SIN3A: variants seen among roughly 807,000 people sequenced by gnomAD.
SIN3A encodes paired amphipathic helix protein Sin3a.
In SIN3A, 14 loss-of-function variants were observed where a neutral mutation model predicts 146.1. The observed-to-expected ratio is 0.10, with a 90% CI of 0.06 to 0.15. SIN3A has a LOEUF of 0.15. Ranked by LOEUF, SIN3A falls within the 10% of genes least tolerant of loss-of-function variation. The probability of loss-of-function intolerance (pLI) is 1.00; values close to 1 mark genes in which losing one functional copy is unlikely to be tolerated. For synonymous variants in SIN3A, 572 were observed against 572.0 expected (o/e 1.00, Z 0.00); for missense variants, 1,028 against 1,576.0 (o/e 0.65, Z 5.89).
intron 2 of SIN3A, among the ~76,000 whole-genome samples, chr15:75,428,647 G>A (rs2073965327): frequency 6.6e-6 from 1 of 152,114 alleles, no homozygotes; most frequent in Non-Finnish European, 1.5e-5. Context: ...ACACAAGTGT[G>A]CACCATTACG....
At chr15:75,385,287 T>G (rs2073057005) in intron 16 of SIN3A, among the ~76,000 whole-genome samples, 2 of 152,326 alleles carry the variant, frequency 1.3e-5, no homozygotes, top group Admixed American at 1.3e-4. Flanking sequence ...GGTGCTCAGC[T>G]GAAGAAGGAG....
chr15:75,422,803 G>A lies in SIN3A; in HGVS notation c.210C>T (p.Ser70=). The change falls in exon 3 of 21, where the codon AGC becomes AGT. Residue 70 remains serine (S), a synonymous_variant. Coordinates refer to ENST00000394947, the MANE Select transcript of SIN3A (RefSeq NM_001145358.2). ...PSYQVSAMPQ[S]SGSHGPAIAA... ...CTATAGCGGGCCCATGACTGCCGGA[G>A]CTCTGTGGCATGGCTGAAACCTGGG... The A allele has an allele frequency of 3.1e-6, 5 of 1,613,424 alleles. No individual in the cohort carries two copies. Among genetic ancestry groups the A allele is most frequent in the Middle Eastern group, 1.7e-4 (1 of 6,060 alleles).
chr15:75,403,633 C>T (rs190000055), intron 9 of SIN3A, among the ~76,000 whole-genome samples: 14 of 151,138 alleles, frequency 9.3e-5, no homozygotes, highest in Non-Finnish European at 1.3e-4. Context: ...CTCTGCCTCC[C>T]GGGTTCAAGC....
chr15:75,442,453 A>C (rs558300642), intron 1 of SIN3A, among the ~76,000 whole-genome samples: 4 of 151,410 alleles, frequency 2.6e-5, no homozygotes, highest in South Asian at 2.1e-4. Context: ...GATTGCAGGC[A>C]TATGCCACTG....
chr15:75,392,138 C>T lies in SIN3A; in HGVS notation c.2851+104G>A, dbSNP rs2141424224. 4 of 1,010,026 alleles carry T rather than the reference C, an allele frequency of 4.0e-6. 1 individual carries two copies. In the South Asian group the frequency reaches 6.2e-5, roughly 16 times the overall value. The allele number at this position is 1,010,026 out of a possible 1,614,324, so 62.6% of individuals were successfully genotyped here. ...TTCAGAGAGTTTAACTACACAGACT[C>T]TAATGCCTGTGCTCTATTAATAAAA... On this transcript the variant is annotated intron_variant, in intron 15 of 20. Coordinates refer to ENST00000394947, the MANE Select transcript of SIN3A (RefSeq NM_001145358.2).
At chr15:75,396,225 A>G in intron 13 of SIN3A, 33 bp downstream of exon 13, 2 of 1,460,582 alleles carry the variant, frequency 1.4e-6, no homozygotes, top group South Asian at 1.2e-5. Flanking sequence ...AGTGAAGTAC[A>G]CTAAAGCACT....
chr15:75,454,410 G>A (rs2074457978), upstream of SIN3A, among the ~76,000 whole-genome samples: 3 of 151,910 alleles, frequency 2.0e-5, no homozygotes, highest in South Asian at 6.2e-4. Flanking sequence ...AACAGTCTGG[G>A]CCGAGGAGTG....
chr15:75,372,917 T>C (rs1326029208), intron 20 of SIN3A, among the ~76,000 whole-genome samples: 1 of 151,918 alleles, frequency 6.6e-6, no homozygotes, highest in Non-Finnish European at 1.5e-5. Context: ...GATTCTAATG[T>C]ATCCTGGGTA....
intron 17 of SIN3A, among the ~76,000 whole-genome samples, chr15:75,382,467 T>C (rs1414532149): frequency 6.6e-6 from 1 of 152,202 alleles, no homozygotes; most frequent in Admixed American, 6.5e-5. Flanking sequence ...GTCCCCATAG[T>C]GGGTTGGACG....
chr15:75,427,454 G>C (rs1427203875), intron 2 of SIN3A, among the ~76,000 whole-genome samples: 2 of 152,066 alleles, frequency 1.3e-5, no homozygotes, highest in Non-Finnish European at 2.9e-5. Context: ...GATCACCTGA[G>C]GTCAAGACCA....
At position 75,389,825 on chromosome 15, in the gene SIN3A, T is replaced by C; in HGVS notation, c.2852-4A>G. The C allele has an allele frequency of 6.2e-7, 1 of 1,613,714 alleles. No homozygotes were observed. The highest frequency in any genetic ancestry group is 8.5e-7 in the Non-Finnish European group (1 of 1,179,746). On this transcript the variant is annotated splice_region_variant and splice_polypyrimidine_tract_variant and intron_variant, in intron 15 of 20. Coordinates refer to ENST00000394947, the MANE Select transcript of SIN3A (RefSeq NM_001145358.2). ...TAATCTTCTACATCAACATCCACTG[T>C]GGGAGAGATGGGATTGGTGAGGCCT...
At chr15:75,423,334 G>T (rs962135920) in intron 2 of SIN3A, among the ~76,000 whole-genome samples, 8 of 152,098 alleles carry the variant, frequency 5.3e-5, no homozygotes, top group Admixed American at 5.2e-4. Flanking sequence ...AAAGGAACTG[G>T]TTAAATAAAT....
rs1595904471 is a variant in SIN3A at position 75,407,119 on chromosome 15, T to C, written c.1343A>G (p.Lys448Arg). ...GCTGGCATCTGCCATAGAAGAATCC[T>C]TCAGATTGAGCAGTTTGGGTTTCTT... ...VKKKPKLLNL[K>R]DSSMADASKH... The change falls in exon 9 of 21, where the codon AAG becomes AGG. Residue 448 changes from lysine to arginine, a missense_variant. Lys to Arg is a conservative substitution (Grantham distance 26). Coordinates refer to ENST00000394947, the MANE Select transcript of SIN3A (RefSeq NM_001145358.2). 1 of 1,612,472 alleles carries C rather than the reference T, an allele frequency of 6.2e-7. No homozygotes were observed. The highest frequency in any genetic ancestry group is 8.5e-7 in the Non-Finnish European group (1 of 1,179,194).
At chr15:75,379,862 A>G (rs535897406) in intron 19 of SIN3A, among the ~76,000 whole-genome samples, 1 of 152,368 alleles carries the variant, frequency 6.6e-6, no homozygotes, top group East Asian at 1.9e-4. Flanking sequence ...TCTGTGCAGA[A>G]AAGAGTTAAT....
intron 16 of SIN3A, among the ~76,000 whole-genome samples, chr15:75,384,991 T>C (rs1338760167): frequency 2.0e-5 from 3 of 152,046 alleles, no homozygotes; most frequent in Non-Finnish European, 2.9e-5. Flanking sequence ...CTGGCTAACA[T>C]GGCGAAACCC....
intron 12 of SIN3A, among the ~76,000 whole-genome samples, chr15:75,397,286 A>T (rs1309366782): frequency 6.6e-6 from 1 of 152,222 alleles, no homozygotes; most frequent in African/African-American, 2.4e-5. Context: ...CATTTGGTCA[A>T]TATTTCTGGC....
chr15:75,413,966 T>G (rs2073690079), intron 4 of SIN3A, among the ~76,000 whole-genome samples: 1 of 152,146 alleles, frequency 6.6e-6, no homozygotes, highest in Non-Finnish European at 1.5e-5. Flanking sequence ...CAGTGCTACT[T>G]CCCTGATTGA....
At chr15:75,429,387 C>T (rs951205680) in intron 2 of SIN3A, among the ~76,000 whole-genome samples, 4 of 152,190 alleles carry the variant, frequency 2.6e-5, no homozygotes, top group South Asian at 2.1e-4. Flanking sequence ...CGCACCACTA[C>T]ACCCCAACAG....
At position 75,380,630 on chromosome 15, in the gene SIN3A, T is replaced by C; in HGVS notation, c.3382A>G (p.Arg1128Gly). ...HLAQKPVFLP[R>G]NLRRIRKCQR... ...TGACAGATGACATGGCTCACTCACC[T>C]GGGGAGAAATACTGGTTTCTGTGCT... is the stretch of plus-strand genomic sequence containing the variant. Residue 1128 changes from arginine (R) to glycine (G), a missense_variant and splice_region_variant, in exon 19 of 21, where the codon AGG becomes GGG. Arg to Gly is a moderately radical substitution (Grantham distance 125). Transcript: ENST00000394947. The C allele has an allele frequency of 6.2e-7, 1 of 1,610,468 alleles. No individual in the cohort carries two copies. The highest frequency in any genetic ancestry group is 8.5e-7 in the Non-Finnish European group (1 of 1,176,706).
Sources: allele counts gnomAD v4.1 joint callset (sites outside exome capture counted in the v4.1 genomes callset), GRCh38; gene constraint gnomAD v4.1.1; transcripts MANE v1.5; gene names NCBI Gene and HGNC (gene_info 2026-07-23, HGNC 2026-07-21).